The following PPM1H variants were observed in gnomAD, a reference collection of about 807,000 sequenced individuals.
PPM1H encodes protein phosphatase 1H.
A neutral mutation model predicts 54.9 loss-of-function variants in PPM1H; 27 were observed. The observed-to-expected ratio is 0.49, with a 90% CI of 0.36 to 0.68. The LOEUF (loss-of-function observed/expected upper bound fraction) is 0.68. Ranked by LOEUF, PPM1H falls within the 30% of genes least tolerant of loss-of-function variation. The pLI is 0.00. For missense variants in PPM1H, 596 were observed against 667.8 expected (o/e 0.89, Z 1.19); for synonymous variants, 305 against 270.8 (o/e 1.13, Z -1.24).
chr12:62,721,396 G>C (rs2076262800), intron 5 of PPM1H, among the ~76,000 whole-genome samples: 1 of 152,164 alleles, frequency 6.6e-6, no homozygotes, highest in African/African-American at 2.4e-5. Context: ...GTAATTCTGG[G>C]CAGGCTTGGG....
Position 62,821,166 on chromosome 12 carries a change from G to A in PPM1H, c.411+10948C>T, listed in dbSNP as rs143732741. Among the ~76,000 whole-genome samples the A allele has an allele frequency of 3.9e-5, 6 of 152,234 alleles. No homozygotes were observed. The East Asian group carries it at 7.7e-4, about 20-fold the overall frequency. On this transcript the variant is annotated intron_variant, in intron 2 of 9. Coordinates refer to ENST00000228705, the MANE Select transcript of PPM1H (RefSeq NM_020700.2). ...CCAATTCGATCAAGTGGAAGAAAGGGTATCAGTGATGGAAGATCAAATTAA... is the reference window on the plus strand; with the variant it reads ...CCAATTCGATCAAGTGGAAGAAAGGATATCAGTGATGGAAGATCAAATTAA...
At chr12:62,811,241 T>C (rs2076833480) in intron 2 of PPM1H, among the ~76,000 whole-genome samples, 1 of 152,196 alleles carries the variant, frequency 6.6e-6, no homozygotes, top group Admixed American at 6.5e-5. Flanking sequence ...CATACAACTG[T>C]ATACCAAAAG....
Position 62,648,198 on chromosome 12 carries a change from A to G in PPM1H, c.*291T>C, listed in dbSNP as rs11832962. On this transcript the variant is annotated 3_prime_UTR_variant, in exon 10 of 10. Transcript: ENST00000228705. ...ACTCTAGATAAAATAAATATGACATATATACCCCAAATAGTCAATGGCCAC... is the reference window on the plus strand; with the variant it reads ...ACTCTAGATAAAATAAATATGACATGTATACCCCAAATAGTCAATGGCCAC... 1,765 of 302,104 alleles carry G rather than the reference A, an allele frequency of 5.8e-3. 27 individuals are homozygous for G. The highest frequency in any genetic ancestry group is 0.035 in the African/African-American group (1,655 of 47,908). 18.7% of individuals were successfully genotyped at this position (302,104 alleles called of 1,614,324 possible).
At chr12:62,763,369 G>C (rs1440671960) in intron 4 of PPM1H, among the ~76,000 whole-genome samples, 4 of 152,204 alleles carry the variant, frequency 2.6e-5, no homozygotes, top group East Asian at 1.9e-4. Flanking sequence ...ATCAGTCAGG[G>C]CTGAGCACCA....
rs142224551 is a variant in PPM1H, at chr12:62,816,855, A to T, written c.412-14695T>A. The stretch of plus-strand genomic sequence containing the variant: ...AGCAAGAAGAAATTTCCATCTCAAC[A>T]TGATTTATTTTCCTTGCACCTTACA... On this transcript the variant is annotated intron_variant, in intron 2 of 9. Transcript: ENST00000228705. Among the ~76,000 whole-genome samples the T allele has an allele frequency of 1.2e-3, 179 of 152,022 alleles. 1 individual carries two copies. Among genetic ancestry groups the T allele is most frequent in the South Asian group, 9.1e-3 (44 of 4,818 alleles).
intron 6 of PPM1H, among the ~76,000 whole-genome samples, chr12:62,717,518 C>A (rs895893993): frequency 6.6e-6 from 1 of 151,346 alleles, no homozygotes; most frequent in East Asian, 1.9e-4. Context: ...CAAGTGTGCA[C>A]GCAAGAGTGA....
intron 4 of PPM1H, among the ~76,000 whole-genome samples, chr12:62,777,683 T>G (rs2076619320): frequency 6.6e-6 from 1 of 152,162 alleles, no homozygotes; most frequent in Non-Finnish European, 1.5e-5. Flanking sequence ...GAACTGCAGT[T>G]TGAGAGCAGA....
At chr12:62,839,882 A>AC (rs1219702816) in intron 1 of PPM1H, among the ~76,000 whole-genome samples, 13 of 151,286 alleles carry the variant, frequency 8.6e-5, no homozygotes, top group South Asian at 4.2e-4. Context: ...TACAAAAAAA[A>AC]AAAAAAAACA....
At chr12:62,658,698 T>G (rs1267336727) in intron 9 of PPM1H, 1 of 315,304 alleles carries the variant, frequency 3.2e-6, no homozygotes, top group African/African-American at 2.2e-5. Flanking sequence ...GCAATGCATT[T>G]CCTAGGAACA....
intron 1 of PPM1H, among the ~76,000 whole-genome samples, chr12:62,918,974 T>C (rs1239554127): frequency 6.6e-6 from 1 of 152,212 alleles, no homozygotes; most frequent in Admixed American, 6.5e-5. Flanking sequence ...TCCTCCACTT[T>C]GACAGGTTAG....
chr12:62,908,279 C>T lies in PPM1H; in HGVS notation c.245+26213G>A, dbSNP rs141673502. ...AAAATTAGCTAGGCGTGATGGTGGG[C>T]GCCTGTAATCCCAGCTACTTAGGAG... On this transcript the variant is annotated intron_variant, in intron 1 of 9. Transcript: ENST00000228705. Among the ~76,000 whole-genome samples the T allele has an allele frequency of 6.0e-3, 909 of 151,936 alleles. 5 individuals carry two copies. Among genetic ancestry groups the T allele is most frequent in the Non-Finnish European group, 0.01 (685 of 67,954 alleles).
At chr12:62,915,377 G>GC (rs2093845120) in intron 1 of PPM1H, among the ~76,000 whole-genome samples, 3 of 152,244 alleles carry the variant, frequency 2.0e-5, no homozygotes, top group African/African-American at 7.2e-5. Context: ...CACTGGCTCT[G>GC]CTCCCTGCGT....
chr12:62,689,867 T>TGG, intron 7 of PPM1H, 61 bp from the exon 8 acceptor site: 1 of 1,167,994 alleles, frequency 8.6e-7, no homozygotes, highest in Non-Finnish European at 1.3e-6. Flanking sequence ...CCCATTCCAG[T>TGG]GCAGCTGCCT....
intron 1 of PPM1H, among the ~76,000 whole-genome samples, chr12:62,920,851 T>C (rs1368888706): frequency 1.3e-5 from 2 of 152,166 alleles, no homozygotes; most frequent in South Asian, 2.1e-4. Flanking sequence ...TAATGACTAT[T>C]AGTACACCAT....
chr12:62,758,157 T>C (rs2076486670), intron 4 of PPM1H, among the ~76,000 whole-genome samples: 1 of 152,264 alleles, frequency 6.6e-6, no homozygotes, highest in East Asian at 1.9e-4. Context: ...AATACTTTCT[T>C]GTGTTTGGCT....
intron 6 of PPM1H, among the ~76,000 whole-genome samples, chr12:62,704,130 A>G (rs1443711511): frequency 2.6e-5 from 4 of 151,846 alleles, no homozygotes; most frequent in Non-Finnish European, 5.9e-5. Context: ...TTGCCTTTGG[A>G]TGGAAACTGT....
intron 4 of PPM1H, among the ~76,000 whole-genome samples, chr12:62,741,299 G>A (rs535000525): frequency 6.6e-6 from 1 of 152,248 alleles, no homozygotes; most frequent in East Asian, 1.9e-4. Flanking sequence ...CCTTGGTTCT[G>A]GTTTCCATCA....
chr12:62,655,404 C>T (rs2075838420), intron 9 of PPM1H, among the ~76,000 whole-genome samples: 1 of 152,174 alleles, frequency 6.6e-6, no homozygotes, highest in African/African-American at 2.4e-5. Flanking sequence ...AACTGCTTCT[C>T]CTGCCCCCAT....
chr12:62,777,257 A>G (rs12322519), intron 4 of PPM1H, among the ~76,000 whole-genome samples: 4,808 of 152,254 alleles, frequency 0.032, 238 homozygotes, highest in African/African-American at 0.11. Context: ...GGCAGCCTTC[A>G]CTCAGTAAAG....
Sources: gnomAD v4.1 joint callset for allele counts (sites outside exome capture counted in the v4.1 genomes callset) on GRCh38, gnomAD v4.1.1 for gene constraint, MANE v1.5 for transcripts, NCBI Gene and HGNC (gene_info 2026-07-23, HGNC 2026-07-21) for gene names.